Variants in PPHLN1 observed in about 807,000 individuals in gnomAD.
PPHLN1 encodes periphilin 1.
In PPHLN1, 29 loss-of-function variants were observed where a neutral mutation model predicts 51.3. The ratio of observed to expected loss-of-function variants is 0.57; its 90% CI spans 0.42 to 0.77. PPHLN1 has a LOEUF of 0.77. PPHLN1 is among the 30% of genes least tolerant of loss of function. The pLI is 0.00. For missense variants in PPHLN1, 436 were observed against 438.4 expected, an observed-to-expected ratio of 0.99 and a Z score of 0.05; for synonymous variants, 147 against 147.8, an observed-to-expected ratio of 0.99 and a Z score of 0.04.
intron 7 of PPHLN1, among the ~76,000 whole-genome samples, chr12:42,391,149 T>C (rs1451025790): frequency 6.6e-6 from 1 of 152,152 alleles, no homozygotes; most frequent in Non-Finnish European, 1.5e-5. Context: ...TGCCCATATG[T>C]TGGGATACTT....
chr12:42,405,799 C>A (rs1276143590), intron 9 of PPHLN1, among the ~76,000 whole-genome samples: 6 of 152,002 alleles, frequency 3.9e-5, no homozygotes, highest in African/African-American at 1.4e-4. Context: ...ATTTAATTTT[C>A]CAGTTGGCTG....
chr12:42,444,822 G>T, downstream of PPHLN1: 4 of 525,306 alleles, frequency 7.6e-6, no homozygotes, highest in Non-Finnish European at 1.3e-5. Context: ...TCCTACAAAG[G>T]TAGTTTCCTC....
chr12:42,345,990 A>T (rs1223888782), intron 2 of PPHLN1, among the ~76,000 whole-genome samples: 2 of 152,086 alleles, frequency 1.3e-5, no homozygotes, highest in Admixed American at 6.5e-5. Flanking sequence ...ATACATATAG[A>T]TGCAGGTACA....
intron 9 of PPHLN1, among the ~76,000 whole-genome samples, chr12:42,413,314 G>T (rs917743819): frequency 1.3e-5 from 2 of 151,938 alleles, no homozygotes; most frequent in African/African-American, 4.8e-5. Context: ...ATAGAGATCC[G>T]GTTTCATTCT....
chr12:42,358,345 TTTTCTC>T (rs2074270421), intron 4 of PPHLN1, among the ~76,000 whole-genome samples: 1 of 152,130 alleles, frequency 6.6e-6, no homozygotes, highest in South Asian at 2.1e-4. Context: ...TCTTCTATAT[TTTTCTC>T]TATATTCATA....
chr12:42,352,478 C>T (rs1193315801), intron 3 of PPHLN1, among the ~76,000 whole-genome samples: 1 of 150,824 alleles, frequency 6.6e-6, no homozygotes, highest in Non-Finnish European at 1.5e-5. Context: ...GGCGCGATCT[C>T]GGCTCACTGC....
intron 7 of PPHLN1, among the ~76,000 whole-genome samples, chr12:42,391,027 A>G (rs1029962224): frequency 1.3e-5 from 2 of 152,092 alleles, no homozygotes; most frequent in Non-Finnish European, 2.9e-5. Flanking sequence ...GTTATTTTAC[A>G]TATTCAGAAG....
At chr12:42,420,211 TATA>T (rs908859653) in intron 9 of PPHLN1, among the ~76,000 whole-genome samples, 1 of 152,180 alleles carries the variant, frequency 6.6e-6, no homozygotes, top group African/African-American at 2.4e-5. Flanking sequence ...TGTTTTTACA[TATA>T]ATATGTTTAC....
rs1030332175 is a variant in PPHLN1 at position 42,361,402 on chromosome 12, T to C, written c.299+6180T>C. 2.0e-5 allele frequency: 3 copies of C among 152,258 alleles called. No homozygotes were observed. The South Asian group carries it at 6.2e-4, about 31-fold the overall frequency. The allele number at this position is 152,258 out of a possible 1,614,324, so 9.4% of individuals were successfully genotyped here. Reference sequence around the variant, plus strand: ...CTAAGACAAATATAATGGGTTTTAATGGGTGGTTAGCCCATTCTTTCTATA... The same window carrying C: ...CTAAGACAAATATAATGGGTTTTAACGGGTGGTTAGCCCATTCTTTCTATA... On this transcript the variant is annotated intron_variant, in intron 4 of 9. Coordinates refer to ENST00000358314, the MANE Select transcript of PPHLN1 (RefSeq NM_201439.2).
intron 4 of PPHLN1, among the ~76,000 whole-genome samples, chr12:42,360,458 CTTTTTTT>C (rs71084642): frequency 3.6e-5 from 2 of 56,272 alleles, no homozygotes; most frequent in African/African-American, 7.6e-5. Flanking sequence ...ATGCTGAATT[CTTTTTTT>C]TTTTTTTTTT....
At chr12:42,426,421 A>G (rs2081504569) in intron 9 of PPHLN1, among the ~76,000 whole-genome samples, 1 of 152,180 alleles carries the variant, frequency 6.6e-6, no homozygotes, top group South Asian at 2.1e-4. Context: ...TAGCAGCAGT[A>G]TGATAAGGAG....
chr12:42,348,894 G>T (rs4768399), intron 2 of PPHLN1, among the ~76,000 whole-genome samples: 1 of 151,916 alleles, frequency 6.6e-6, no homozygotes, highest in East Asian at 1.9e-4. Context: ...GAATGAGTCA[G>T]TATATTCATT....
chr12:42,372,921 C>T (rs996588279), intron 4 of PPHLN1, among the ~76,000 whole-genome samples: 3 of 152,176 alleles, frequency 2.0e-5, no homozygotes, highest in Non-Finnish European at 4.4e-5. Flanking sequence ...CCGTCTTTCA[C>T]ACTTTATTAG....
At chr12:42,334,060 T>C (rs1481539290) in intron 1 of PPHLN1, among the ~76,000 whole-genome samples, 1 of 152,210 alleles carries the variant, frequency 6.6e-6, no homozygotes, top group Non-Finnish European at 1.5e-5. Context: ...ACTATTTCTC[T>C]GTACTGTATC....
chr12:42,437,528 T>C (rs2082587778), intron 9 of PPHLN1, among the ~76,000 whole-genome samples: 1 of 152,236 alleles, frequency 6.6e-6, no homozygotes, highest in African/African-American at 2.4e-5. Context: ...AATTTAATTT[T>C]ATTTTTTGGA....
intron 9 of PPHLN1, chr12:42,433,408 T>C (rs2082211191): frequency 2.0e-5 from 7 of 346,364 alleles, no homozygotes; most frequent in South Asian, 1.8e-4. Flanking sequence ...CTGCAAGTTC[T>C]GCCTCCCGGG....
intron 4 of PPHLN1, among the ~76,000 whole-genome samples, chr12:42,374,427 A>T (rs2138752342): frequency 1.7e-5 from 2 of 116,898 alleles, no homozygotes; most frequent in South Asian, 6.8e-4. Context: ...GAAAAAGAGA[A>T]CCAAGAGTAC....
At position 42,442,040 on chromosome 12, in the gene PPHLN1, C is replaced by A. The variant is rs897834740; in HGVS notation, c.*531C>A. ...CTGAGAGATACCTCAGAAAAAAATCCGTTTTTCCAAGTAATGAACTCAGTG... is the reference window on the plus strand; with the variant it reads ...CTGAGAGATACCTCAGAAAAAAATCAGTTTTTCCAAGTAATGAACTCAGTG... On this transcript the variant is annotated 3_prime_UTR_variant, in exon 10 of 10. Coordinates refer to ENST00000358314, the MANE Select transcript of PPHLN1 (RefSeq NM_201439.2). 18 of 902,264 alleles carry A rather than the reference C, an allele frequency of 2.0e-5. No individual in the cohort carries two copies. Among genetic ancestry groups the A allele is most frequent in the African/African-American group, 2.0e-4 (11 of 55,414 alleles). 55.9% of individuals were successfully genotyped at this position (902,264 alleles called of 1,614,324 possible).
At chr12:42,329,016 A>G (rs1358481637) in intron 1 of PPHLN1, among the ~76,000 whole-genome samples, 1 of 151,392 alleles carries the variant, frequency 6.6e-6, no homozygotes, top group Non-Finnish European at 1.5e-5. Flanking sequence ...ACCCAGCCCC[A>G]GCATCAGTTA....
Sources: allele counts gnomAD v4.1 joint callset (sites outside exome capture counted in the v4.1 genomes callset), GRCh38; gene constraint gnomAD v4.1.1; transcripts MANE v1.5; gene names NCBI Gene and HGNC (gene_info 2026-07-23, HGNC 2026-07-21).